LNX1: variants seen among roughly 807,000 people sequenced by gnomAD.
LNX1 encodes ligand of numb-protein X 1.
In LNX1, 54 loss-of-function variants were observed where a neutral mutation model predicts 68.4. The observed-to-expected ratio is 0.79, with a 90% CI of 0.63 to 0.99. LNX1 has a LOEUF of 0.99. Among genes scored for constraint, LNX1 ranks in the 50% least tolerant of loss-of-function variants. The pLI, the probability that LNX1 is intolerant of heterozygous loss-of-function variation, is 0.00. For synonymous variants in LNX1, 336 were observed against 350.0 expected (o/e 0.96, Z 0.45); for missense variants, 906 against 926.4 (o/e 0.98, Z 0.29).
chr4:53,623,570 C>G (rs10010205), intron 1 of LNX1, among the ~76,000 whole-genome samples: 53,414 of 151,668 alleles, frequency 0.35, 10,070 homozygotes, highest in East Asian at 0.58. Context: ...AAGTTCTTCA[C>G]AGATTTTTGT....
chr4:53,558,868 A>G (rs529369944), intron 2 of LNX1, among the ~76,000 whole-genome samples: 6 of 152,174 alleles, frequency 3.9e-5, no homozygotes, highest in Non-Finnish European at 8.8e-5. Context: ...CTGGTCTGTC[A>G]GGGACTGGGC....
chr4:53,493,836 C>T (rs374719559), intron 6 of LNX1, among the ~76,000 whole-genome samples: 3 of 152,226 alleles, frequency 2.0e-5, no homozygotes, highest in Admixed American at 6.5e-5. Flanking sequence ...TCTTGCCCTT[C>T]TCTTTTCAGC....
At chr4:53,486,249 C>T (rs114454567) in intron 6 of LNX1, among the ~76,000 whole-genome samples, 345 of 151,800 alleles carry the variant, frequency 2.3e-3, no homozygotes, top group African/African-American at 8.0e-3. Flanking sequence ...TGGCAGAGCA[C>T]CATATTGATG....
chr4:53,625,172 G>A (rs1481965649), intron 1 of LNX1, among the ~76,000 whole-genome samples: 3 of 152,008 alleles, frequency 2.0e-5, no homozygotes, highest in Non-Finnish European at 2.9e-5. Flanking sequence ...ATTAGGCAAC[G>A]GTTTCTCAGC....
At chr4:53,634,442 C>G (rs1263152996) in intron 1 of LNX1, among the ~76,000 whole-genome samples, 1 of 152,062 alleles carries the variant, frequency 6.6e-6, no homozygotes. Flanking sequence ...CGGGGTTTCA[C>G]CATGTTGGCC....
chr4:53,512,437 T>G (rs1248101309), intron 2 of LNX1, among the ~76,000 whole-genome samples: 1 of 151,902 alleles, frequency 6.6e-6, no homozygotes, highest in African/African-American at 2.4e-5. Context: ...TCCTCTAGAA[T>G]GCAACACTAC....
intron 1 of LNX1, among the ~76,000 whole-genome samples, chr4:53,650,079 G>A (rs189989104): frequency 2.1e-3 from 316 of 152,280 alleles, no homozygotes; most frequent in Non-Finnish European, 3.7e-3. Flanking sequence ...TGAGCAGACC[G>A]AGTGGAATAG....
At chr4:53,496,493 A>G (rs911771531) in intron 5 of LNX1, 99 bp from the exon 6 acceptor site, 51 of 1,380,916 alleles carry the variant, frequency 3.7e-5, no homozygotes, top group Non-Finnish European at 4.7e-5. Context: ...GTCTTTAAAG[A>G]CTGCTCTGCT....
chr4:53,584,203 G>T (rs1051961805), intron 1 of LNX1, among the ~76,000 whole-genome samples: 3 of 152,096 alleles, frequency 2.0e-5, no homozygotes, highest in Admixed American at 2.0e-4. Context: ...CAGAGGGAAG[G>T]ACAAGATGAG....
intron 2 of LNX1, among the ~76,000 whole-genome samples, chr4:53,532,624 C>T (rs1175206107): frequency 6.6e-6 from 1 of 152,192 alleles, no homozygotes; most frequent in Non-Finnish European, 1.5e-5. Flanking sequence ...AAATTCTCCT[C>T]ATGCCAGTTG....
chr4:53,599,514 G>A (rs1577780585), intron 2 of LNX1, among the ~76,000 whole-genome samples: 1 of 152,230 alleles, frequency 6.6e-6, no homozygotes, highest in African/African-American at 2.4e-5. Context: ...TGTCTATGGA[G>A]TAGCCGTTCT....
At chr4:53,628,796 TA>T (rs144358287) in intron 1 of LNX1, among the ~76,000 whole-genome samples, 1 of 152,066 alleles carries the variant, frequency 6.6e-6, no homozygotes, top group Non-Finnish European at 1.5e-5. Flanking sequence ...TACTCAGCCA[TA>T]AAAAGAAATG....
At chr4:53,510,661 C>A (rs4864771) in intron 2 of LNX1, among the ~76,000 whole-genome samples, 146,091 of 152,224 alleles carry the variant, frequency 0.96, 70,396 homozygotes, top group East Asian at 1. Context: ...GCGGCTCCAA[C>A]GTAACAAATA....
In LNX1 at chr4:53,459,989, A is replaced by G. The variant is rs1721541984; in HGVS notation, c.*918T>C. On this transcript the variant is annotated 3_prime_UTR_variant, in exon 11 of 11. Transcript: ENST00000263925. The stretch of plus-strand genomic sequence containing the variant: ...TAAATTTGGGTTCCTGGTGAAACCA[A>G]ATGGGGTACACTTTCATATCCAAAT... 1 of 212,970 alleles carries G rather than the reference A, an allele frequency of 4.7e-6. No individual in the cohort carries two copies. The allele number at this position is 212,970 out of a possible 1,614,324, so 13.2% of individuals were successfully genotyped here. A position where few individuals can be genotyped will look rare whatever the true frequency, so the allele number is the denominator to read the frequency against.
chr4:53,569,711 T>C (rs1308640423), intron 2 of LNX1, among the ~76,000 whole-genome samples: 9 of 149,304 alleles, frequency 6.0e-5, no homozygotes, highest in Admixed American at 6.0e-4. Flanking sequence ...GAAACTACCA[T>C]CAGAGTGAAC....
chr4:53,614,806 TTCAGCCTCCTGG>T (rs1470346430), intron 2 of LNX1, among the ~76,000 whole-genome samples: 85 of 152,292 alleles, frequency 5.6e-4, no homozygotes, highest in Non-Finnish European at 2.1e-4. Context: ...GTCTGCTTCC[TTCAGCCTCCTGG>T]TCATGGAGCA....
intron 2 of LNX1, among the ~76,000 whole-genome samples, chr4:53,596,533 T>A (rs1168480776): frequency 6.6e-6 from 1 of 152,220 alleles, no homozygotes; most frequent in African/African-American, 2.4e-5. Context: ...TTACACATAT[T>A]TTTATGTTTC....
At chr4:53,540,073 C>T (rs1342303881) in intron 2 of LNX1, among the ~76,000 whole-genome samples, 7 of 152,188 alleles carry the variant, frequency 4.6e-5, no homozygotes, top group Non-Finnish European at 8.8e-5. Context: ...GGCATAGCAA[C>T]TACCCCATTC....
At chr4:53,474,513 A>G (rs1723436466) in intron 9 of LNX1, among the ~76,000 whole-genome samples, 1 of 152,314 alleles carries the variant, frequency 6.6e-6, no homozygotes, top group Non-Finnish European at 1.5e-5. Flanking sequence ...TCTGACATAG[A>G]ATACACAAGA....
Sources: allele counts gnomAD v4.1 joint callset (sites outside exome capture counted in the v4.1 genomes callset), GRCh38; gene constraint gnomAD v4.1.1; transcripts MANE v1.5; gene names NCBI Gene and HGNC (gene_info 2026-07-23, HGNC 2026-07-21).